PDE11A: variants seen among roughly 807,000 people sequenced by gnomAD.
The protein encoded by PDE11A is dual 3',5'-cyclic-AMP and -GMP phosphodiesterase 11A.
A neutral mutation model predicts 100.5 loss-of-function variants in PDE11A; 100 were observed. The ratio of observed to expected loss-of-function variants is 1.00; its 90% CI spans 0.85 to 1.18. The LOEUF is 1.18. PDE11A is among the 50% of genes most tolerant of loss of function. The probability of loss-of-function intolerance (pLI) is 0.00; values close to 1 mark genes in which losing one functional copy is unlikely to be tolerated. For missense variants in PDE11A, 1,141 were observed against 1,152.6 expected (o/e 0.99, Z 0.15); for synonymous variants, 381 against 420.8 (o/e 0.91, Z 1.16).
chr2:177,851,488 A>T (rs1386122560), intron 5 of PDE11A, among the ~76,000 whole-genome samples: 1 of 152,160 alleles, frequency 6.6e-6, no homozygotes, highest in Non-Finnish European at 1.5e-5. Context: ...ATACATATGT[A>T]ACAAACCTGC....
intron 4 of PDE11A, among the ~76,000 whole-genome samples, chr2:177,892,957 C>T (rs1043265668): frequency 1.4e-4 from 21 of 152,176 alleles, no homozygotes; most frequent in Admixed American, 1.4e-3. Context: ...CCTCTTACTG[C>T]CTCTGACATT....
chr2:178,063,537 C>T (rs1490921355), intron 1 of PDE11A, among the ~76,000 whole-genome samples: 1 of 152,126 alleles, frequency 6.6e-6, no homozygotes, highest in Admixed American at 6.5e-5. Flanking sequence ...CTAGGGTCTT[C>T]AGGGAAGGAT....
intron 2 of PDE11A, among the ~76,000 whole-genome samples, chr2:178,007,442 CACAA>C (rs1276858491): frequency 6.6e-6 from 1 of 152,118 alleles, no homozygotes; most frequent in Non-Finnish European, 1.5e-5. Context: ...ACACATAAAA[CACAA>C]ACAAATTGGT....
chr2:177,690,358 C>T (rs1048298031), intron 15 of PDE11A, among the ~76,000 whole-genome samples: 3 of 152,140 alleles, frequency 2.0e-5, no homozygotes, highest in African/African-American at 7.2e-5. Context: ...TTACTTTCAT[C>T]CTTTCCAGTA....
chr2:177,705,560 T>C (rs2081265981), intron 13 of PDE11A, among the ~76,000 whole-genome samples: 1 of 152,188 alleles, frequency 6.6e-6, no homozygotes, highest in Non-Finnish European at 1.5e-5. Flanking sequence ...AAGGTGGAAA[T>C]TTCCCTATAG....
At chr2:178,103,359 G>A (rs1435970379) in intron 2 of PDE11A, among the ~76,000 whole-genome samples, 1 of 152,116 alleles carries the variant, frequency 6.6e-6, no homozygotes, top group Non-Finnish European at 1.5e-5. Context: ...CAGGGAATAG[G>A]GTTAAGGGGG....
At chr2:177,970,774 C>T (rs1254122541) in intron 2 of PDE11A, among the ~76,000 whole-genome samples, 1 of 152,136 alleles carries the variant, frequency 6.6e-6, no homozygotes, top group Non-Finnish European at 1.5e-5. Flanking sequence ...GACACCACCA[C>T]TTCAAGATAA....
intron 2 of PDE11A, among the ~76,000 whole-genome samples, chr2:177,999,768 T>C (rs1021896514): frequency 3.3e-5 from 5 of 152,244 alleles, no homozygotes; most frequent in Non-Finnish European, 7.3e-5. Context: ...TGAGGAATCA[T>C]TTTAAATTCT....
At chr2:177,876,668 A>C (rs745844637) in intron 4 of PDE11A, among the ~76,000 whole-genome samples, 3 of 148,352 alleles carry the variant, frequency 2.0e-5, no homozygotes, top group Non-Finnish European at 4.5e-5. Context: ...CAGTCTATAG[A>C]TGAGGAAACT....
chr2:177,933,656 G>T (rs1010288894), intron 2 of PDE11A, among the ~76,000 whole-genome samples: 7 of 152,190 alleles, frequency 4.6e-5, no homozygotes, highest in Middle Eastern at 3.4e-3. Flanking sequence ...ACTCCAGCCT[G>T]GGTGACAGAG....
At chr2:177,871,235 C>T (rs369368823) in intron 5 of PDE11A, among the ~76,000 whole-genome samples, 4 of 152,034 alleles carry the variant, frequency 2.6e-5, no homozygotes, top group African/African-American at 9.7e-5. Flanking sequence ...AAATGGGGTA[C>T]ACTCGGGGTT....
At chr2:177,988,257 A>T (rs2085963651) in intron 2 of PDE11A, among the ~76,000 whole-genome samples, 1 of 152,226 alleles carries the variant, frequency 6.6e-6, no homozygotes, top group Non-Finnish European at 1.5e-5. Flanking sequence ...TCTGTGGCCA[A>T]CACAAATAAG....
chr2:177,901,857 G>C (rs140017481), intron 3 of PDE11A, among the ~76,000 whole-genome samples: 72 of 152,284 alleles, frequency 4.7e-4, no homozygotes, highest in African/African-American at 1.7e-3. Flanking sequence ...TGCATGGAGA[G>C]AGCCTCTGGG....
intron 2 of PDE11A, among the ~76,000 whole-genome samples, chr2:177,941,756 T>A (rs1047956207): frequency 6.6e-6 from 1 of 152,230 alleles, no homozygotes; most frequent in Non-Finnish European, 1.5e-5. Flanking sequence ...AAGGAAATTG[T>A]TGGCCATAGT....
At position 178,072,636 on chromosome 2, in the gene PDE11A, C is replaced by G; in HGVS notation, c.-199G>C. On this transcript the variant is annotated 5_prime_UTR_variant, in exon 1 of 20. Coordinates refer to ENST00000286063, the MANE Select transcript of PDE11A (RefSeq NM_016953.4). ...CTCAGAGTGGCTGGCGCCGACCCCA[C>G]CCCGTGGTCCTGCTACTCCTGCTCC... 6.8e-7 allele frequency: 1 copy of G among 1,478,628 alleles called. No individual in the cohort carries two copies. The highest frequency in any genetic ancestry group is 2.5e-5 in the East Asian group (1 of 40,302). The allele number at this position is 1,478,628 out of a possible 1,614,324, so 91.6% of individuals were successfully genotyped here.
intron 2 of PDE11A, among the ~76,000 whole-genome samples, chr2:178,081,198 G>A (rs1250893228): frequency 6.6e-6 from 1 of 152,110 alleles, no homozygotes; most frequent in Admixed American, 6.5e-5. Flanking sequence ...AATAAAGACA[G>A]AACCTGATGC....
At chr2:177,701,076 G>T in intron 14 of PDE11A, 45 bp downstream of exon 14, 1 of 1,038,844 alleles carries the variant, frequency 9.6e-7, no homozygotes, top group Non-Finnish European at 1.5e-6. Context: ...ACAAAGAGTT[G>T]TTTTGGTTTC....
chr2:177,737,590 C>CAA (rs10654194), intron 10 of PDE11A, among the ~76,000 whole-genome samples: 98,928 of 144,334 alleles, frequency 0.69, 35,763 homozygotes, highest in East Asian at 0.85. Context: ...GACTCTGTCT[C>CAA]AAAAAAAAAA....
At chr2:178,061,072 T>C (rs1574376087) in intron 1 of PDE11A, among the ~76,000 whole-genome samples, 2 of 151,040 alleles carry the variant, frequency 1.3e-5, no homozygotes, top group South Asian at 4.2e-4. Flanking sequence ...GCCTCCCAAG[T>C]AGCTGGGACT....
Sources: allele counts gnomAD v4.1 joint callset (sites outside exome capture counted in the v4.1 genomes callset), GRCh38; gene constraint gnomAD v4.1.1; transcripts MANE v1.5; gene names NCBI Gene and HGNC (gene_info 2026-07-23, HGNC 2026-07-21).